METTL21A: variants seen among roughly 807,000 people sequenced by gnomAD.
METTL21A encodes the protein protein N-lysine methyltransferase METTL21A.
In METTL21A, 22 loss-of-function variants were observed where a neutral mutation model predicts 20.9. The observed-to-expected ratio is 1.05, with a 90% CI of 0.75 to 1.50. The LOEUF is 1.50. Ranked by LOEUF, METTL21A falls within the 40% of genes most tolerant of loss-of-function variation. The pLI is 0.00. For synonymous variants in METTL21A, 93 were observed against 102.0 expected (o/e 0.91, Z 0.53); for missense variants, 271 against 266.8 (o/e 1.02, Z -0.11).
At chr2:207,591,354 C>G (rs2084987309) in intron 3 of METTL21A, among the ~76,000 whole-genome samples, 1 of 152,162 alleles carries the variant, frequency 6.6e-6, no homozygotes, top group South Asian at 2.1e-4. Context: ...TAATGTCTTT[C>G]TTTATCCCTG....
exon 4 of METTL21A, chr2:207,612,880 G>C (rs889229618): frequency 2.4e-5 from 15 of 619,390 alleles, no homozygotes; most frequent in Non-Finnish European, 3.4e-5. Context: ...CACAGCAATG[G>C]GACAAAGCAC....
chr2:207,582,798 C>G, intron 3 of METTL21A: 1 of 290,268 alleles, frequency 3.4e-6, no homozygotes, highest in Admixed American at 4.0e-5. Flanking sequence ...GCGGCTGAGG[C>G]AGAAGAATTG....
At chr2:207,591,387 A>C (rs1024483559) in intron 3 of METTL21A, among the ~76,000 whole-genome samples, 6 of 152,196 alleles carry the variant, frequency 3.9e-5, no homozygotes, top group African/African-American at 1.4e-4. Flanking sequence ...CTTCAGAAGA[A>C]TGCTTTGTCT....
intron 3 of METTL21A, among the ~76,000 whole-genome samples, chr2:207,592,267 C>T (rs1294325664): frequency 5.9e-5 from 9 of 151,900 alleles, no homozygotes; most frequent in South Asian, 4.2e-4. Context: ...ATGAGCTGGG[C>T]GTGGTGGCAC....
chr2:207,619,994 A>G (rs549087774), intron 3 of METTL21A, among the ~76,000 whole-genome samples: 1 of 152,384 alleles, frequency 6.6e-6, no homozygotes, highest in African/African-American at 2.4e-5. Flanking sequence ...AAAACCAAGT[A>G]TAACTAAGCC....
At chr2:207,586,708 A>G (rs1290337428) in intron 3 of METTL21A, among the ~76,000 whole-genome samples, 2 of 152,176 alleles carry the variant, frequency 1.3e-5, no homozygotes, top group Non-Finnish European at 2.9e-5. Flanking sequence ...CGAACAGGAA[A>G]ACAAACAAAA....
exon 2 of METTL21A, chr2:207,624,324 G>A (rs779895674): frequency 6.2e-7 from 1 of 1,613,974 alleles, no homozygotes; most frequent in South Asian, 1.1e-5. Flanking sequence ...AGAGGCTTGT[G>A]GAATTTCTGC....
chr2:207,602,600 AAAT>A (rs1184863371), intron 3 of METTL21A: 3 of 212,170 alleles, frequency 1.4e-5, no homozygotes, highest in Non-Finnish European at 2.9e-5. Context: ...AAATCTCTGC[AAAT>A]AATGATTTTA....
intron 3 of METTL21A, chr2:207,620,774 A>C: frequency 3.0e-6 from 4 of 1,354,552 alleles, no homozygotes; most frequent in Non-Finnish European, 4.0e-6. Flanking sequence ...TCCCTGTCGA[A>C]TTTTGGAAAG....
At chr2:207,596,906 G>T (rs1466926232) in intron 3 of METTL21A, 1 of 1,601,228 alleles carries the variant, frequency 6.2e-7, no homozygotes, top group Non-Finnish European at 8.5e-7. Context: ...GTCCTCTTTT[G>T]CTTGTAGGGA....
exon 4 of METTL21A, chr2:207,613,182 C>T (rs200515055): frequency 2.7e-5 from 44 of 1,613,998 alleles, no homozygotes; most frequent in Admixed American, 1.2e-4. Flanking sequence ...ATAGCGAATT[C>T]GGCATGCTAA....
chr2:207,599,411 CTA>C (rs1468419273), intron 3 of METTL21A: 3 of 203,310 alleles, frequency 1.5e-5, no homozygotes, highest in Non-Finnish European at 3.0e-5. Flanking sequence ...TTTGTATTCT[CTA>C]AAGCTTTTTT....
chr2:207,603,712 G>T (rs1455639633), intron 3 of METTL21A, among the ~76,000 whole-genome samples: 3 of 152,162 alleles, frequency 2.0e-5, no homozygotes, highest in African/African-American at 4.8e-5. Flanking sequence ...TGTGTCTGAT[G>T]TCATAAAACA....
At chr2:207,607,831 T>G (rs139628509), downstream of METTL21A, among the ~76,000 whole-genome samples, 16 of 151,626 alleles carry the variant, frequency 1.1e-4, no homozygotes, top group East Asian at 2.9e-3. Flanking sequence ...AGGTTTGGAT[T>G]AGGTTTCTAT....
intron 3 of METTL21A, among the ~76,000 whole-genome samples, chr2:207,591,929 A>G (rs2085118360): frequency 6.6e-6 from 1 of 152,126 alleles, no homozygotes; most frequent in Admixed American, 6.6e-5. Flanking sequence ...ACATTTATAT[A>G]TTTAATTTTC....
downstream of METTL21A, chr2:207,580,924 C>A (rs991043727): frequency 4.6e-6 from 1 of 217,480 alleles, no homozygotes; most frequent in African/African-American, 2.2e-5. Flanking sequence ...GTGAACGTTA[C>A]ATCTACTCGT....
intron 3 of METTL21A, among the ~76,000 whole-genome samples, chr2:207,584,971 T>A (rs2106634473): frequency 6.6e-6 from 1 of 152,258 alleles, no homozygotes; most frequent in African/African-American, 2.4e-5. Context: ...CTTGTGGTAT[T>A]TATGAATTTT....
At chr2:207,624,866 G>C in intron 1 of METTL21A, 196 bp downstream of exon 1, 1 of 152,402 alleles carries the variant, frequency 6.6e-6, no homozygotes, top group Middle Eastern at 3.4e-3. Context: ...CGGCTGCTTC[G>C]ATAGTGATAA....
In METTL21A at chr2:207,624,107, TAA is replaced by T. The variant is rs924719172; in HGVS notation, c.147+120_147+121del. 2.1e-4 allele frequency: 258 copies of T among 1,213,126 alleles called. No individual in the cohort carries two copies. The Middle Eastern group carries it at 4.8e-3, about 23-fold the overall frequency. The allele number at this position is 1,213,126 out of a possible 1,614,324, so 75.1% of individuals were successfully genotyped here. A position where few individuals can be genotyped will look rare whatever the true frequency, so the allele number is the denominator to read the frequency against. ...TAAAACCGCACTGAATTGTGCACTT[TAA>T]ATAGGTAAAGTGTATGCTATGTGAA... is the stretch of plus-strand genomic sequence containing the variant. On this transcript the variant is annotated intron_variant, in intron 2 of 3. Transcript: ENST00000406927.
Sources: allele counts gnomAD v4.1 joint callset (sites outside exome capture counted in the v4.1 genomes callset), GRCh38; gene constraint gnomAD v4.1.1; transcripts MANE v1.5; gene names NCBI Gene and HGNC (gene_info 2026-07-23, HGNC 2026-07-21).